DZIP1: variants seen among roughly 807,000 people sequenced by gnomAD.
DZIP1 encodes cilium assembly protein DZIP1.
A neutral mutation model predicts 107.6 loss-of-function variants in DZIP1; 97 were observed. The observed-to-expected ratio is 0.90, with a 90% CI of 0.77 to 1.07. The LOEUF (loss-of-function observed/expected upper bound fraction) is 1.07. Ranked by LOEUF, DZIP1 falls within the 50% of genes least tolerant of loss-of-function variation. The pLI is 0.00. For missense variants in DZIP1, 1,035 were observed against 1,063.6 expected (o/e 0.97, Z 0.37); for synonymous variants, 390 against 386.4 (o/e 1.01, Z -0.11).
chr13:95,588,046 T>C (rs1337628391), intron 19 of DZIP1: 1 of 210,764 alleles, frequency 4.7e-6, no homozygotes, highest in Non-Finnish European at 9.4e-6. Flanking sequence ...AAGAAAAACA[T>C]TTCCTCAGTA....
At chr13:95,608,701 A>G (rs1023378212) in intron 13 of DZIP1, among the ~76,000 whole-genome samples, 6 of 152,182 alleles carry the variant, frequency 3.9e-5, no homozygotes, top group African/African-American at 1.4e-4. Flanking sequence ...AAGAAGACTG[A>G]GAGGTTAAAA....
chr13:95,585,024 G>C (rs1269329251), intron 21 of DZIP1, 114 bp from the exon 22 acceptor site: 6 of 762,930 alleles, frequency 7.9e-6, no homozygotes, highest in Admixed American at 2.9e-5. Flanking sequence ...AAGAAGTGGG[G>C]AACTATTAAT....
intron 5 of DZIP1, among the ~76,000 whole-genome samples, chr13:95,639,118 C>T (rs1878182961): frequency 6.6e-6 from 1 of 152,136 alleles, no homozygotes; most frequent in South Asian, 2.1e-4. Flanking sequence ...TCATTCAATC[C>T]CCATTAACAA....
intron 12 of DZIP1, among the ~76,000 whole-genome samples, chr13:95,610,770 A>ATG (rs1454196013): frequency 1.3e-5 from 2 of 152,192 alleles, no homozygotes; most frequent in African/African-American, 4.8e-5. Flanking sequence ...CATTGTAACA[A>ATG]TTACACGGCA....
chr13:95,633,248 T>C lies in DZIP1; in HGVS notation c.671A>G (p.Glu224Gly). 1 of 1,614,164 alleles carries C rather than the reference T, an allele frequency of 6.2e-7. No homozygotes were observed. The highest frequency in any genetic ancestry group is 8.5e-7 in the Non-Finnish European group (1 of 1,179,986). ...QSHIQRRHTE[E>G]NSHFEYQKNA... ...TCATTACTCACCAAAATGAGAATTTTCTTCAGTGTGGCGGCGTTGAATGTG... is the reference window on the plus strand; with the variant it reads ...TCATTACTCACCAAAATGAGAATTTCCTTCAGTGTGGCGGCGTTGAATGTG... Residue 224 changes from glutamate to glycine, a missense_variant, in exon 6 of 23, where the codon GAA becomes GGA. By Grantham distance (98) the Glu-to-Gly change is moderately conservative. Transcript: ENST00000376829.
chr13:95,597,644 G>A (rs1170755123), intron 15 of DZIP1, among the ~76,000 whole-genome samples: 2 of 152,208 alleles, frequency 1.3e-5, no homozygotes, highest in African/African-American at 2.4e-5. Context: ...TGGCAAACCG[G>A]AGGTTGCTTC....
intron 7 of DZIP1, among the ~76,000 whole-genome samples, chr13:95,625,336 A>C (rs936224905): frequency 4.6e-5 from 7 of 152,234 alleles, no homozygotes; most frequent in African/African-American, 1.7e-4. Context: ...ATACAAATTC[A>C]GATTTACAGG....
rs779554094 is a variant in DZIP1 at position 95,587,585 on chromosome 13, G to A, written c.2172C>T (p.Thr724=). The A allele has an allele frequency of 2.9e-5, 46 of 1,613,824 alleles. No homozygotes were observed. In the Admixed American group the frequency reaches 3.8e-4, roughly 13 times the overall value. Residue 724 remains threonine, a synonymous_variant, in exon 20 of 23, where the codon ACC becomes ACT. Coordinates refer to ENST00000376829, the MANE Select transcript of DZIP1 (RefSeq NM_198968.4). ...CAGTGTCCTCGATTTCGCTTCCCTC[G>A]GTCCCGTCCGCGTCACTTTTCACTG... ...KNTVKSDADG[T]EGSEIEDTDD...
chr13:95,644,011 C>T (rs1178871153), intron 1 of DZIP1, among the ~76,000 whole-genome samples: 3 of 152,158 alleles, frequency 2.0e-5, no homozygotes, highest in Non-Finnish European at 2.9e-5. Context: ...CCACCCCTTT[C>T]CCCTTGCGTG....
At chr13:95,633,432 C>T (rs1463151768) in intron 5 of DZIP1, 111 bp from the exon 6 acceptor site, 3 of 897,544 alleles carry the variant, frequency 3.3e-6, no homozygotes, top group African/African-American at 3.4e-5. Context: ...CCTGTAATCC[C>T]AGCACTTTAG....
chr13:95,596,942 G>A (rs2044472908), intron 15 of DZIP1, among the ~76,000 whole-genome samples: 1 of 152,252 alleles, frequency 6.6e-6, no homozygotes, highest in Admixed American at 6.5e-5. Context: ...GAAGGAGGCA[G>A]TCACTGGTTT....
chr13:95,614,834 T>C (rs1874848997), intron 10 of DZIP1, among the ~76,000 whole-genome samples: 1 of 151,992 alleles, frequency 6.6e-6, no homozygotes, highest in Non-Finnish European at 1.5e-5. Context: ...CAATGTTATT[T>C]AAAACAAAAA....
rs757027457 is a variant in DZIP1 at position 95,589,195 on chromosome 13, ATTT to A, written c.1983_1985del (p.Lys661del). On this transcript the variant is annotated inframe_deletion, in exon 19 of 23. Coordinates refer to ENST00000376829, the MANE Select transcript of DZIP1 (RefSeq NM_198968.4). ...TTCTGGGAAAAGGATCTTCCATGAC[ATTT>A]TTCTTAATTCTAAAAAAACAACAGA... The A allele has an allele frequency of 3.7e-6, 6 of 1,602,712 alleles. No homozygotes were observed. In the East Asian group the frequency reaches 1.1e-4, roughly 30 times the overall value.
At chr13:95,589,276 T>A in intron 18 of DZIP1, 69 bp from the exon 19 acceptor site, 3 of 1,288,160 alleles carry the variant, frequency 2.3e-6, no homozygotes, top group Middle Eastern at 2.6e-4. Flanking sequence ...TACATTTCTA[T>A]GGAACTGGTG....
intron 15 of DZIP1, among the ~76,000 whole-genome samples, chr13:95,599,040 A>T (rs1325295511): frequency 6.6e-6 from 1 of 152,242 alleles, no homozygotes; most frequent in South Asian, 2.1e-4. Context: ...CTTCTGGTAC[A>T]CAACACGTGT....
chr13:95,594,869 TA>T (rs1235507282), intron 15 of DZIP1, among the ~76,000 whole-genome samples: 2 of 62,626 alleles, frequency 3.2e-5, no homozygotes, highest in Non-Finnish European at 6.5e-5. Flanking sequence ...ATCCCTTTTT[TA>T]TTCCCCACTT....
At chr13:95,630,162 C>A in intron 6 of DZIP1, 49 bp from the exon 7 acceptor site, 1 of 1,579,790 alleles carries the variant, frequency 6.3e-7, no homozygotes, top group Non-Finnish European at 8.6e-7. Context: ...ACCAAATGTA[C>A]CTGGAAACTT....
rs745423803 is a variant in DZIP1, at chr13:95,641,799, G to T, written c.93C>A (p.Val31=). 2.1e-5 allele frequency: 31 copies of T among 1,497,956 alleles called. 1 individual carries two copies. The South Asian group carries it at 4.1e-4, about 20-fold the overall frequency. 92.8% of individuals were successfully genotyped at this position (1,497,956 alleles called of 1,614,324 possible). A position where few individuals can be genotyped will look rare whatever the true frequency, so the allele number is the denominator to read the frequency against. Residue 31 remains valine, a synonymous_variant, in exon 5 of 23, where the codon GTC becomes GTA. Transcript: ENST00000376829. The surrounding 1 kb of genome is among the most constrained non-coding windows in gnomAD (Gnocchi z 4.3). The part of the protein sequence containing the change: ...PLASGPEGPD[V]AVAAAAAGAA... ...CACCCGCGGCGGCGGCGGCCACAGC[G>T]ACGTCGGGCCCCTCTGGGCCGCTGG...
chr13:95,597,984 AT>A (rs1488860157), intron 15 of DZIP1, among the ~76,000 whole-genome samples: 1 of 152,130 alleles, frequency 6.6e-6, no homozygotes, highest in Non-Finnish European at 1.5e-5. Context: ...GTGTCTGGGA[AT>A]GACCCCTCCA....
Sources: gnomAD v4.1 joint callset for allele counts (sites outside exome capture counted in the v4.1 genomes callset) on GRCh38, gnomAD v4.1.1 for gene constraint, Gnocchi (gnomAD v3.1) non-coding constraint, MANE v1.5 for transcripts, NCBI Gene and HGNC (gene_info 2026-07-23, HGNC 2026-07-21) for gene names.